Variants in NAMPT observed in about 807,000 individuals in gnomAD.
NAMPT encodes NAmPRTase.
Under a neutral mutation model 58.7 loss-of-function variants are expected in NAMPT, and 7 were observed. That is an observed-to-expected ratio of 0.12 (90% CI 0.07 to 0.22). The LOEUF (loss-of-function observed/expected upper bound fraction) is 0.22, where lower values mean the gene tolerates loss of function less well. Ranked by LOEUF, NAMPT falls within the 10% of genes least tolerant of loss-of-function variation. NAMPT has a pLI of 1.00. For synonymous variants in NAMPT, 145 were observed against 198.1 expected, an observed-to-expected ratio of 0.73 and a Z score of 2.25; for missense variants, 271 against 567.9, an observed-to-expected ratio of 0.48 and a Z score of 5.31.
intron 3 of NAMPT, among the ~76,000 whole-genome samples, chr7:106,273,173 C>T (rs1197916775): frequency 2.6e-5 from 4 of 152,138 alleles, no homozygotes; most frequent in Non-Finnish European, 5.9e-5. Context: ...AAATAGGTTC[C>T]CTCTATTCTG....
chr7:106,277,443 T>A (rs1792668750), intron 1 of NAMPT, among the ~76,000 whole-genome samples: 1 of 152,188 alleles, frequency 6.6e-6, no homozygotes, highest in Non-Finnish European at 1.5e-5. Context: ...GAAAAGTATT[T>A]CATTTGGTTT....
chr7:106,284,696 G>A, intron 1 of NAMPT, 132 bp downstream of exon 1: 1 of 971,256 alleles, frequency 1.0e-6, no homozygotes, highest in Non-Finnish European at 1.3e-6. Flanking sequence ...CGCCTCCCCC[G>A]GGCCTCCCCG....
intron 3 of NAMPT, among the ~76,000 whole-genome samples, chr7:106,273,934 G>A (rs1398169644): frequency 1.3e-5 from 2 of 151,750 alleles, no homozygotes; most frequent in African/African-American, 4.8e-5. Context: ...TTCAATGTAA[G>A]AAACTTTCGT....
At chr7:106,285,124 C>T, upstream of NAMPT, 2 of 1,309,296 alleles carry the variant, frequency 1.5e-6, no homozygotes, top group East Asian at 3.1e-5. Context: ...CTGGCGGACT[C>T]CCCACCTCGG....
chr7:106,269,884 C>T (rs951901798), intron 4 of NAMPT, among the ~76,000 whole-genome samples: 14 of 152,184 alleles, frequency 9.2e-5, no homozygotes, highest in Admixed American at 2.0e-4. Context: ...AATATGACAA[C>T]TAATACTTGA....
At chr7:106,283,371 T>C (rs942961304) in intron 1 of NAMPT, among the ~76,000 whole-genome samples, 3 of 152,142 alleles carry the variant, frequency 2.0e-5, no homozygotes, top group Admixed American at 1.3e-4. Flanking sequence ...AACTGCAAAC[T>C]AAAGGAAGTT....
rs1421724712 is a variant in NAMPT at position 106,254,516 on chromosome 7, A to C, written c.1090-12T>G. On this transcript the variant is annotated splice_polypyrimidine_tract_variant and intron_variant, in intron 8 of 10. Coordinates refer to ENST00000222553, the MANE Select transcript of NAMPT (RefSeq NM_005746.3). The stretch of plus-strand genomic sequence containing the variant: ...ATGCCTTCTACAATCTAGAAGATTA[A>C]AACAAAACAAAACCAAACCAAACCT... 2 of 1,611,996 alleles carry C rather than the reference A, an allele frequency of 1.2e-6. No homozygotes were observed. Among genetic ancestry groups the C allele is most frequent in the East Asian group, 4.5e-5 (2 of 44,856 alleles).
intron 3 of NAMPT, among the ~76,000 whole-genome samples, chr7:106,274,330 TGTTATTTAA>T (rs1792592674): frequency 6.6e-6 from 1 of 152,074 alleles, no homozygotes; most frequent in South Asian, 2.1e-4. Flanking sequence ...TTCTCAAAAA[TGTTATTTAA>T]GTTATAATTC....
At chr7:106,273,200 T>TGTC (rs1491326688) in intron 3 of NAMPT, among the ~76,000 whole-genome samples, 4 of 152,198 alleles carry the variant, frequency 2.6e-5, no homozygotes, top group African/African-American at 9.7e-5. Context: ...GACCTGAAAC[T>TGTC]ATGAGACAGG....
intron 4 of NAMPT, chr7:106,272,041 C>G (rs1198377761): frequency 3.0e-6 from 1 of 337,010 alleles, no homozygotes; most frequent in Non-Finnish European, 6.0e-6. Flanking sequence ...ACAATATGAA[C>G]AGCAGATCTT....
In NAMPT at chr7:106,254,462, T is replaced by C; in HGVS notation, c.1132A>G (p.Ile378Val). Reference protein sequence around the residue: ...MKQKMWSIENIAFGSGGGLLQ... With the variant: ...MKQKMWSIENVAFGSGGGLLQ... ...AAACCTCCACCAGAACCGAAGGCAA[T>C]ATTTTCAATACTCCACATTTTTTGT... Residue 378 changes from isoleucine to valine, a missense_variant, in exon 9 of 11, where the codon ATT becomes GTT. Ile to Val is a conservative substitution (Grantham distance 29). Coordinates refer to ENST00000222553, the MANE Select transcript of NAMPT (RefSeq NM_005746.3). 1 of 1,613,866 alleles carries C rather than the reference T, an allele frequency of 6.2e-7. No homozygotes were observed. Among genetic ancestry groups the C allele is most frequent in the Non-Finnish European group, 8.5e-7 (1 of 1,179,832 alleles).
In NAMPT at chr7:106,261,722, A is replaced by G. The variant is rs759481600; in HGVS notation, c.970-15T>C. On this transcript the variant is annotated splice_polypyrimidine_tract_variant and intron_variant, in intron 7 of 10. Transcript: ENST00000222553. ...ATCTCCAAAACCTATATGGAAAAAT[A>G]CACATGCAACACAAATAACTAAAGC... 1.9e-6 allele frequency: 3 copies of G among 1,597,784 alleles called. No individual in the cohort carries two copies. Among genetic ancestry groups the G allele is most frequent in the Admixed American group, 1.7e-5 (1 of 59,774 alleles).
chr7:106,278,485 A>C (rs1792695012), intron 1 of NAMPT, among the ~76,000 whole-genome samples: 1 of 152,160 alleles, frequency 6.6e-6, no homozygotes, highest in South Asian at 2.1e-4. Flanking sequence ...GACTCATCAA[A>C]AGCTAGAAGT....
chr7:106,266,807 TCATAA>T (rs1195882826), intron 6 of NAMPT, among the ~76,000 whole-genome samples: 2 of 152,214 alleles, frequency 1.3e-5, no homozygotes, highest in African/African-American at 4.8e-5. Context: ...GATATTTATC[TCATAA>T]CATCACGTCT....
At chr7:106,272,509 A>G (rs771291689) in intron 4 of NAMPT, 21 bp downstream of exon 4, 2 of 1,590,836 alleles carry the variant, frequency 1.3e-6, no homozygotes, top group Non-Finnish European at 1.7e-6. Flanking sequence ...ATGTTAAATA[A>G]GAATTAAAAA....
intron 6 of NAMPT, among the ~76,000 whole-genome samples, chr7:106,267,864 AAAAAAAAAAAAAC>A (rs1792453245): frequency 3.7e-5 from 5 of 135,366 alleles, no homozygotes; most frequent in African/African-American, 8.5e-5. Flanking sequence ...AAAAAAAAAA[AAAAAAAAAAAAAC>A]AACCTGATTT....
chr7:106,277,115 T>C lies in NAMPT; in HGVS notation c.122A>G (p.Glu41Gly). Reference sequence around the variant, plus strand: ...TAATTTGGAGTTTTCTGTCTTCTTTTCACGGCATTCAAAGTAGGAATAAAC... The same window carrying C: ...TAATTTGGAGTTTTCTGTCTTCTTTCCACGGCATTCAAAGTAGGAATAAAC... ...SKVYSYFECR[E>G]KKTENSKLRK... The change falls in exon 2 of 11, where the codon GAA becomes GGA. Residue 41 changes from glutamate to glycine, a missense_variant. By Grantham distance (98) the Glu-to-Gly change is moderately conservative. Coordinates refer to ENST00000222553, the MANE Select transcript of NAMPT (RefSeq NM_005746.3). 6.2e-7 allele frequency: 1 copy of C among 1,610,236 alleles called. No individual in the cohort carries two copies. The highest frequency in any genetic ancestry group is 8.5e-7 in the Non-Finnish European group (1 of 1,176,626).
At chr7:106,261,751 AAAC>A in intron 7 of NAMPT, 44 bp from the exon 8 acceptor site, 1 of 1,564,570 alleles carries the variant, frequency 6.4e-7, no homozygotes, top group Non-Finnish European at 8.8e-7. Context: ...CTAAAGCTGA[AAAC>A]AAGTATAAGA....
In NAMPT at chr7:106,261,666, G is replaced by A; in HGVS notation, c.1011C>T (p.Asn337=). ...GTGGCAGCAACTTGTAACCCTTTGA[G>A]TTCTCAGTAACAGGAAACTTCTTAC... The part of the protein sequence containing the change: ...ILGKKFPVTE[N]SKGYKLLPPY... The change falls in exon 8 of 11, where the codon AAC becomes AAT. Residue 337 remains asparagine, a synonymous_variant. Coordinates refer to ENST00000222553, the MANE Select transcript of NAMPT (RefSeq NM_005746.3). 1.2e-6 allele frequency: 2 copies of A among 1,601,092 alleles called. No homozygotes were observed. The highest frequency in any genetic ancestry group is 1.1e-5 in the South Asian group (1 of 90,846).
Sources: allele counts gnomAD v4.1 joint callset (sites outside exome capture counted in the v4.1 genomes callset), GRCh38; gene constraint gnomAD v4.1.1; transcripts MANE v1.5; gene names NCBI Gene and HGNC (gene_info 2026-07-23, HGNC 2026-07-21).